MYPN: variants seen among roughly 807,000 people sequenced by gnomAD.
The protein encoded by MYPN is sarcomeric protein myopalladin, 145 kDa (MYOP).
In MYPN, 63 loss-of-function variants were observed where a neutral mutation model predicts 129.4. The ratio of observed to expected loss-of-function variants is 0.49; its 90% CI spans 0.40 to 0.60. MYPN has a LOEUF of 0.60. Among genes scored for constraint, MYPN ranks in the 20% least tolerant of loss-of-function variants. The pLI, the probability that MYPN is intolerant of heterozygous loss-of-function variation, is 0.00. For missense variants in MYPN, 1,596 were observed against 1,635.4 expected (o/e 0.98, Z 0.42); for synonymous variants, 629 against 600.9 (o/e 1.05, Z -0.68).
At chr10:68,102,982 T>C (rs1053010031), upstream of MYPN, among the ~76,000 whole-genome samples, 1 of 152,244 alleles carries the variant, frequency 6.6e-6, no homozygotes, top group South Asian at 2.1e-4. Flanking sequence ...TTAATACACA[T>C]GATAATTACA....
intron 3 of MYPN, among the ~76,000 whole-genome samples, chr10:68,144,810 G>A: frequency 6.6e-6 from 1 of 152,106 alleles, no homozygotes; most frequent in Admixed American, 6.5e-5. Flanking sequence ...AGAGGAAGAG[G>A]ATTTACGAAC....
chr10:68,164,785 A>G (rs1367162893), intron 8 of MYPN, among the ~76,000 whole-genome samples: 1 of 152,260 alleles, frequency 6.6e-6, no homozygotes, highest in Non-Finnish European at 1.5e-5. Context: ...TTCACAGTGT[A>G]TCAGAGTAAT....
chr10:68,099,416 T>C (rs777968578), intron 1 of MYPN, among the ~76,000 whole-genome samples: 1 of 152,138 alleles, frequency 6.6e-6, no homozygotes, highest in Non-Finnish European at 1.5e-5. Context: ...ACTTCAGATG[T>C]CTACTTTAAA....
At chr10:68,128,505 T>C (rs2042359859) in intron 2 of MYPN, among the ~76,000 whole-genome samples, 2 of 152,204 alleles carry the variant, frequency 1.3e-5, no homozygotes, top group African/African-American at 4.8e-5. Flanking sequence ...CCTTCATTCA[T>C]TCATTCATCC....
At chr10:68,116,528 G>C (rs2042159499) in intron 1 of MYPN, among the ~76,000 whole-genome samples, 1 of 152,198 alleles carries the variant, frequency 6.6e-6, no homozygotes, top group Non-Finnish European at 1.5e-5. Context: ...TGGTATGAAA[G>C]TAAAGCATTC....
At chr10:68,094,089 T>A (rs1289750717) in intron 1 of MYPN, among the ~76,000 whole-genome samples, 3 of 152,122 alleles carry the variant, frequency 2.0e-5, no homozygotes, top group Non-Finnish European at 4.4e-5. Flanking sequence ...CGTCGCCATC[T>A]TGGATTTGGT....
At chr10:68,131,329 C>T (rs907708581) in intron 2 of MYPN, among the ~76,000 whole-genome samples, 1 of 150,524 alleles carries the variant, frequency 6.6e-6, no homozygotes, top group Non-Finnish European at 1.5e-5. Flanking sequence ...GTGGGGGTTG[C>T]AGTGAGCCGA....
chr10:68,135,441 T>C, intron 2 of MYPN: 1 of 966,624 alleles, frequency 1.0e-6, no homozygotes, highest in Non-Finnish European at 1.2e-6. Context: ...TATTATCTTA[T>C]TGTCCGATAT....
intron 8 of MYPN, among the ~76,000 whole-genome samples, chr10:68,164,815 A>T (rs2043029211): frequency 6.6e-6 from 1 of 152,240 alleles, no homozygotes; most frequent in African/African-American, 2.4e-5. Flanking sequence ...TTACCACAGT[A>T]ATACAAAAGT....
Position 68,206,786 on chromosome 10 carries a change from A to G in MYPN, c.3676A>G (p.Thr1226Ala), listed in dbSNP as rs2043822822. 3 of 1,614,164 alleles carry G rather than the reference A, an allele frequency of 1.9e-6. No individual in the cohort carries two copies. In the East Asian group the frequency reaches 6.7e-5, roughly 36 times the overall value. ...RERISMHQDT[T>A]GYACLLIQPA... is the part of the protein sequence containing the mutation. ...TTTCTCCAGTATGCACCAGGACACA[A>G]CAGGGTATGCCTGCCTTCTCATTCA... Residue 1226 changes from threonine (T) to alanine (A), a missense_variant, in exon 19 of 20, where the codon ACA becomes GCA. Transcript: ENST00000358913.
chr10:68,154,135 C>T (rs1380192040), intron 6 of MYPN, among the ~76,000 whole-genome samples: 4 of 152,196 alleles, frequency 2.6e-5, no homozygotes, highest in African/African-American at 9.7e-5. Context: ...TTTTTAGATG[C>T]TCTTTAACTG....
At chr10:68,127,254 C>G (rs530840579) in intron 2 of MYPN, among the ~76,000 whole-genome samples, 55 of 151,718 alleles carry the variant, frequency 3.6e-4, no homozygotes, top group African/African-American at 1.3e-3. Flanking sequence ...ATCCACCTCC[C>G]TTGCCCTCCC....
chr10:68,131,646 A>G (rs1461105376), intron 2 of MYPN, among the ~76,000 whole-genome samples: 1 of 152,166 alleles, frequency 6.6e-6, no homozygotes, highest in Non-Finnish European at 1.5e-5. Flanking sequence ...CCTGAGTAGC[A>G]GGGACTACAG....
chr10:68,170,462 A>G (rs987233892), intron 10 of MYPN, among the ~76,000 whole-genome samples: 1 of 152,216 alleles, frequency 6.6e-6, no homozygotes, highest in Non-Finnish European at 1.5e-5. Context: ...GTAAATCTAC[A>G]TGCCTACAAC....
Position 68,195,502 on chromosome 10 carries a change from G to T in MYPN, c.3128G>T (p.Ser1043Ile), listed in dbSNP as rs758640272. Residue 1043 changes from serine (S) to isoleucine (I), a missense_variant, in exon 15 of 20, where the codon AGT becomes ATT. By Grantham distance (142) the Ser-to-Ile change is moderately radical (BLOSUM62 -2). Coordinates refer to ENST00000358913, the MANE Select transcript of MYPN (RefSeq NM_032578.4). ...ATGGTACAAAGTTTGCCCATTCGCAGTCGGCTAACCTCTGCTGGTCAGTCT... is the reference window on the plus strand; with the variant it reads ...ATGGTACAAAGTTTGCCCATTCGCATTCGGCTAACCTCTGCTGGTCAGTCT... ...HLMVQSLPIR[S>I]RLTSAGQSHR... 1.2e-6 allele frequency: 2 copies of T among 1,614,072 alleles called. No homozygotes were observed. Among genetic ancestry groups the T allele is most frequent in the Non-Finnish European group, 1.7e-6 (2 of 1,179,968 alleles).
chr10:68,122,564 G>T (rs1255610389), intron 2 of MYPN, among the ~76,000 whole-genome samples: 1 of 152,186 alleles, frequency 6.6e-6, no homozygotes, highest in East Asian at 1.9e-4. Context: ...AGAACCAGGT[G>T]AAATTAAAGT....
chr10:68,195,759 A>G (rs771270807), intron 15 of MYPN, among the ~76,000 whole-genome samples: 2 of 151,668 alleles, frequency 1.3e-5, no homozygotes, highest in Non-Finnish European at 2.9e-5. Context: ...CCACAAGCAT[A>G]GTAAAGTTTA....
intron 12 of MYPN, among the ~76,000 whole-genome samples, chr10:68,177,231 T>A (rs2043241160): frequency 6.6e-6 from 1 of 152,194 alleles, no homozygotes; most frequent in Non-Finnish European, 1.5e-5. Flanking sequence ...TAGAAATCTC[T>A]CTTAAACCTC....
At chr10:68,197,222 C>T in intron 15 of MYPN, 130 bp from the exon 16 acceptor site, 2 of 867,440 alleles carry the variant, frequency 2.3e-6, no homozygotes, top group Non-Finnish European at 3.5e-6. Context: ...GTTTATAGTC[C>T]AGCCTCCCCT....
Sources: allele counts gnomAD v4.1 joint callset (sites outside exome capture counted in the v4.1 genomes callset), GRCh38; gene constraint gnomAD v4.1.1; transcripts MANE v1.5; gene names NCBI Gene and HGNC (gene_info 2026-07-23, HGNC 2026-07-21).